PARVB: variants seen among roughly 807,000 people sequenced by gnomAD.
PARVB encodes beta-parvin.
Under a neutral mutation model 47.0 loss-of-function variants are expected in PARVB, and 46 were observed. That is an observed-to-expected ratio of 0.98 (90% CI 0.77 to 1.25). PARVB has a LOEUF of 1.25. Ranked by LOEUF, PARVB falls within the 50% of genes most tolerant of loss-of-function variation. The pLI, the probability that PARVB is intolerant of heterozygous loss-of-function variation, is 0.00. For missense variants in PARVB, 473 were observed against 471.6 expected (o/e 1.00, Z -0.03); for synonymous variants, 196 against 196.3 (o/e 1.00, Z 0.01).
At chr22:44,072,696 C>T (rs770023361) in intron 1 of PARVB, among the ~76,000 whole-genome samples, 1 of 152,180 alleles carries the variant, frequency 6.6e-6, no homozygotes, top group Admixed American at 6.5e-5. Flanking sequence ...CCCACCTTGG[C>T]CTCCCAAAGT....
chr22:44,032,694 G>A lies in PARVB; in HGVS notation c.112+8243G>A, dbSNP rs552697601. 8.7e-4 allele frequency among the ~76,000 whole-genome samples: 133 copies of A among 152,260 alleles called. 1 individual carries two copies. The South Asian group carries it at 0.013, about 14-fold the overall frequency. On this transcript the variant is annotated intron_variant, in intron 1 of 12. Transcript: ENST00000338758. Reference sequence around the variant, plus strand: ...TATGGATGAATGTGGATGACTGGAGGCATTGACGCAGACACCAGAGTCCAG... The same window carrying A: ...TATGGATGAATGTGGATGACTGGAGACATTGACGCAGACACCAGAGTCCAG...
At chr22:44,130,206 C>T (rs2053279481) in intron 4 of PARVB, among the ~76,000 whole-genome samples, 1 of 152,258 alleles carries the variant, frequency 6.6e-6, no homozygotes, top group African/African-American at 2.4e-5. Context: ...GTATTGAAGG[C>T]TCTGTGCTGA....
At chr22:44,016,288 G>C (rs994049526) in intron 2 of PARVB, among the ~76,000 whole-genome samples, 16 of 151,952 alleles carry the variant, frequency 1.1e-4, no homozygotes, top group Admixed American at 1.0e-3. Flanking sequence ...AGTAGAGACG[G>C]GGTTTCACCG....
chr22:44,163,436 C>T (rs1030683413), intron 11 of PARVB, among the ~76,000 whole-genome samples: 3 of 152,200 alleles, frequency 2.0e-5, no homozygotes, highest in Admixed American at 2.0e-4. Flanking sequence ...TGAGATCTCG[C>T]CACTGTGCAC....
rs138684097 is a variant in PARVB at position 44,172,863 on chromosome 22, G to C, written c.*4185G>C. 1.2e-6 allele frequency: 1 copy of C among 826,352 alleles called. No homozygotes were observed. The highest frequency in any genetic ancestry group is 1.8e-5 in the African/African-American group (1 of 54,998). 51.2% of individuals were successfully genotyped at this position (826,352 alleles called of 1,614,324 possible). A position where few individuals can be genotyped will look rare whatever the true frequency, so the allele number is the denominator to read the frequency against. On this transcript the variant is annotated 3_prime_UTR_variant, in exon 13 of 13. Coordinates refer to ENST00000338758, the MANE Select transcript of PARVB (RefSeq NM_013327.5). ...GCAACACCGGGCAAACACTTCTTCC[G>C]CCAGGGATGCGGTTAGGACAATGCC...
chr22:44,077,409 T>C (rs947500595), intron 1 of PARVB, among the ~76,000 whole-genome samples: 3 of 152,194 alleles, frequency 2.0e-5, no homozygotes, highest in Non-Finnish European at 4.4e-5. Flanking sequence ...AATCTGCAAC[T>C]TGATTACATC....
intron 4 of PARVB, among the ~76,000 whole-genome samples, chr22:44,126,240 C>T (rs750178967): frequency 6.6e-6 from 1 of 152,206 alleles, no homozygotes; most frequent in Non-Finnish European, 1.5e-5. Flanking sequence ...CAAGAATTAA[C>T]ATCTATATTT....
intron 3 of PARVB, chr22:44,107,657 T>A (rs1484461183): frequency 6.6e-6 from 1 of 151,480 alleles, no homozygotes; most frequent in Non-Finnish European, 1.5e-5. Flanking sequence ...GGCTGGAGAG[T>A]GAATCAAATC....
chr22:44,086,825 G>A (rs1231618300), intron 1 of PARVB: 3 of 985,278 alleles, frequency 3.0e-6, no homozygotes, highest in African/African-American at 1.7e-5. Context: ...CTCTGAGTAC[G>A]GATGGAAGTT....
At chr22:44,132,285 C>G (rs1431252004) in intron 5 of PARVB, among the ~76,000 whole-genome samples, 1 of 152,152 alleles carries the variant, frequency 6.6e-6, no homozygotes, top group Non-Finnish European at 1.5e-5. Flanking sequence ...TTGGGCAGAC[C>G]CAGGCTGTCT....
At chr22:44,165,314 A>T (rs2054143069) in intron 12 of PARVB, among the ~76,000 whole-genome samples, 1 of 152,116 alleles carries the variant, frequency 6.6e-6, no homozygotes, top group Non-Finnish European at 1.5e-5. Context: ...ACTAGAACAG[A>T]AGCCTCAAGG....
In PARVB at chr22:44,113,814, G is replaced by A. The variant is rs1361237688; in HGVS notation, c.274-5224G>A. ...CTAACTAAGGCCCTGTACCAACACA[G>A]ATACGTTGTTACTAAGTAAGGCCCT... On this transcript the variant is annotated intron_variant, in intron 3 of 12. Coordinates refer to ENST00000338758, the MANE Select transcript of PARVB (RefSeq NM_013327.5). The A allele has an allele frequency of 4.7e-5, 3 of 64,122 alleles. 1 individual carries two copies. The highest frequency in any genetic ancestry group is 1.0e-4 in the African/African-American group (1 of 9,988). The allele number at this position is 64,122 out of a possible 1,614,324, so 4.0% of individuals were successfully genotyped here.
At chr22:44,091,457 A>G (rs571292842) in intron 1 of PARVB, among the ~76,000 whole-genome samples, 3 of 152,170 alleles carry the variant, frequency 2.0e-5, no homozygotes, top group African/African-American at 7.2e-5. Flanking sequence ...AAACTCTGCC[A>G]TCATTCAACA....
At position 44,011,758 on chromosome 22, in the gene PARVB, C is replaced by T. The variant is rs868846231; in HGVS notation, c.211+12085C>T. The stretch of plus-strand genomic sequence containing the variant: ...CAATGTTCTCATGATGTGCTATGGC[C>T]GCCACATCCTTAGCTCCAGCATCGT... On this transcript the variant is annotated intron_variant, in intron 2 of 13. Transcript: ENST00000406477. Among the ~76,000 whole-genome samples the T allele has an allele frequency of 1.4e-4, 22 of 152,088 alleles. No homozygotes were observed. The East Asian group carries it at 1.5e-3, about 11-fold the overall frequency.
At chr22:44,153,881 T>C (rs1252369792) in intron 10 of PARVB, among the ~76,000 whole-genome samples, 1 of 152,258 alleles carries the variant, frequency 6.6e-6, no homozygotes, top group Non-Finnish European at 1.5e-5. Flanking sequence ...TGGATGTTTT[T>C]CTGCTCCTGT....
intron 1 of PARVB, among the ~76,000 whole-genome samples, chr22:44,038,333 A>G (rs2050957764): frequency 6.6e-6 from 1 of 152,214 alleles, no homozygotes; most frequent in East Asian, 1.9e-4. Context: ...GCCAGACTGC[A>G]TGGGCTTGAA....
At chr22:44,015,191 A>G (rs980947351) in intron 2 of PARVB, among the ~76,000 whole-genome samples, 1 of 151,970 alleles carries the variant, frequency 6.6e-6, no homozygotes, top group African/African-American at 2.4e-5. Flanking sequence ...TCTAACCTGC[A>G]TTTAATAATG....
At chr22:44,164,414 C>CCT (rs2054122065) in intron 12 of PARVB, among the ~76,000 whole-genome samples, 1 of 146,336 alleles carries the variant, frequency 6.8e-6, no homozygotes, top group South Asian at 2.2e-4. Context: ...CCCTGTCCCC[C>CCT]CCCCGGCTCC....
intron 1 of PARVB, among the ~76,000 whole-genome samples, chr22:44,062,643 A>G (rs2051441642): frequency 6.6e-6 from 1 of 152,002 alleles, no homozygotes. Flanking sequence ...GTCTGGAAAA[A>G]AAAAAAAAAG....
Sources: allele counts gnomAD v4.1 joint callset (sites outside exome capture counted in the v4.1 genomes callset), GRCh38; gene constraint gnomAD v4.1.1; transcripts MANE v1.5; gene names NCBI Gene and HGNC (gene_info 2026-07-23, HGNC 2026-07-21).